MTUS2: variants seen among roughly 807,000 people sequenced by gnomAD.
MTUS2 encodes microtubule associated scaffold protein 2.
MTUS2 carries 40 observed loss-of-function variants against 114.1 expected under a neutral mutation model. The observed-to-expected ratio is 0.35, with a 90% CI of 0.27 to 0.46. The LOEUF is 0.46. Among genes scored for constraint, MTUS2 ranks in the 20% least tolerant of loss-of-function variants. The probability of loss-of-function intolerance (pLI) is 1.00; values close to 1 mark genes in which losing one functional copy is unlikely to be tolerated. For synonymous variants in MTUS2, 688 were observed against 672.0 expected, an observed-to-expected ratio of 1.02 and a Z score of -0.37; for missense variants, 1,679 against 1,705.4, an observed-to-expected ratio of 0.98 and a Z score of 0.27.
intron 13 of MTUS2, chr13:29,497,640 A>AC: frequency 2.6e-6 from 1 of 386,860 alleles, no homozygotes; most frequent in Non-Finnish European, 4.8e-6. Context: ...CGCTGGCCTG[A>AC]CCACCCCTTC....
At chr13:28,828,297 T>A (rs1422690726) in intron 1 of MTUS2, among the ~76,000 whole-genome samples, 1 of 152,254 alleles carries the variant, frequency 6.6e-6, no homozygotes, top group Non-Finnish European at 1.5e-5. Flanking sequence ...GCTGTTATCC[T>A]GTTCTTTTTT....
chr13:28,990,904 C>T (rs1473696504), intron 2 of MTUS2, among the ~76,000 whole-genome samples: 1 of 151,974 alleles, frequency 6.6e-6, no homozygotes, highest in African/African-American at 2.4e-5. Context: ...ACCACGAACC[C>T]ACTGGGAAGA....
At chr13:29,222,397 A>G (rs937649656) in intron 5 of MTUS2, among the ~76,000 whole-genome samples, 1 of 152,004 alleles carries the variant, frequency 6.6e-6, no homozygotes, top group Non-Finnish European at 1.5e-5. Flanking sequence ...CTTTGTTTTT[A>G]TGTATGAATT....
rs1383579396 is a variant in MTUS2, at chr13:28,868,559, A to G, written c.-243+28709A>G. On this transcript the variant is annotated intron_variant, in intron 2 of 15. Transcript: ENST00000612955. Reference sequence around the variant, plus strand: ...CTTACAAAGGGAGGGATGGGAATAGATGAATGCATCCTTAGATTTTTGGAT... The same window carrying G: ...CTTACAAAGGGAGGGATGGGAATAGGTGAATGCATCCTTAGATTTTTGGAT... Among the ~76,000 whole-genome samples, 4 of 152,208 alleles carry G rather than the reference A, an allele frequency of 2.6e-5. No individual in the cohort carries two copies. The East Asian group carries it at 7.7e-4, about 29-fold the overall frequency.
chr13:28,854,351 T>C (rs1876489399), intron 2 of MTUS2, among the ~76,000 whole-genome samples: 1 of 152,198 alleles, frequency 6.6e-6, no homozygotes, highest in Non-Finnish European at 1.5e-5. Context: ...TTATGTTGCT[T>C]ACAAACTTGG....
intron 4 of MTUS2, among the ~76,000 whole-genome samples, chr13:29,043,786 T>TACAAC (rs5802503): frequency 6.6e-6 from 1 of 151,686 alleles, no homozygotes; most frequent in Non-Finnish European, 1.5e-5. Context: ...TAAAGTCTGA[T>TACAAC]AGACTTTATA....
chr13:29,243,642 C>A (rs993832787), intron 5 of MTUS2, among the ~76,000 whole-genome samples: 9 of 150,258 alleles, frequency 6.0e-5, no homozygotes, highest in African/African-American at 2.3e-4. Flanking sequence ...TACTTACACA[C>A]TTGGGGTAGG....
At chr13:29,119,553 T>TA (rs1891223776) in intron 5 of MTUS2, among the ~76,000 whole-genome samples, 1 of 152,168 alleles carries the variant, frequency 6.6e-6, no homozygotes, top group Non-Finnish European at 1.5e-5. Flanking sequence ...ATATATAAAT[T>TA]ATCTGATTAT....
chr13:29,202,994 C>A (rs1442052940), intron 5 of MTUS2, among the ~76,000 whole-genome samples: 1 of 152,144 alleles, frequency 6.6e-6, no homozygotes, highest in Non-Finnish European at 1.5e-5. Flanking sequence ...GGTCAGGGAC[C>A]CCCTGAGGAA....
At chr13:29,389,469 A>ATGTATACACGTGTGTGTATGTGTATG (rs771715459) in intron 8 of MTUS2, among the ~76,000 whole-genome samples, 1 of 89,882 alleles carries the variant, frequency 1.1e-5, no homozygotes, top group African/African-American at 3.8e-5. Flanking sequence ...GTGTATGTGT[A>ATGTATACACGTGTGTGTATGTGTATG]TATGTATACA....
At chr13:28,922,928 A>G (rs1881126836) in intron 2 of MTUS2, among the ~76,000 whole-genome samples, 1 of 151,992 alleles carries the variant, frequency 6.6e-6, no homozygotes, top group African/African-American at 2.4e-5. Flanking sequence ...TTCTTAAAAT[A>G]CTCTTTTAGC....
At chr13:29,018,676 C>T (rs1488154218) in intron 2 of MTUS2, among the ~76,000 whole-genome samples, 1 of 152,016 alleles carries the variant, frequency 6.6e-6, no homozygotes, top group Admixed American at 6.5e-5. Flanking sequence ...AGGATAACTG[C>T]TTGAGCCCAG....
At chr13:29,404,343 C>A (rs1297699399) in intron 8 of MTUS2, among the ~76,000 whole-genome samples, 1 of 151,974 alleles carries the variant, frequency 6.6e-6, no homozygotes, top group East Asian at 1.9e-4. Flanking sequence ...TAGAGTGAGA[C>A]CCTGTCTCGA....
chr13:29,069,435 G>T (rs924228011), intron 4 of MTUS2, among the ~76,000 whole-genome samples: 4 of 152,184 alleles, frequency 2.6e-5, no homozygotes, highest in South Asian at 2.1e-4. Context: ...TTTTCAGATT[G>T]TCAACAAATT....
intron 8 of MTUS2, among the ~76,000 whole-genome samples, chr13:29,368,255 C>A (rs781485911): frequency 5.3e-5 from 8 of 151,838 alleles, no homozygotes; most frequent in Non-Finnish European, 1.2e-4. Flanking sequence ...CTGCTTCTAA[C>A]CCATGTATCA....
intron 8 of MTUS2, among the ~76,000 whole-genome samples, chr13:29,423,863 A>T (rs998829189): frequency 7.7e-5 from 11 of 142,712 alleles, no homozygotes; most frequent in Non-Finnish European, 1.4e-4. Context: ...GTTAACAGTA[A>T]TTTTTTTTTT....
intron 5 of MTUS2, among the ~76,000 whole-genome samples, chr13:29,200,971 A>G (rs1894930394): frequency 6.6e-6 from 1 of 152,174 alleles, no homozygotes; most frequent in Admixed American, 6.5e-5. Flanking sequence ...GGTGCAGAGA[A>G]GAATGTATAT....
chr13:29,439,567 G>T (rs556750770), intron 8 of MTUS2, among the ~76,000 whole-genome samples: 1 of 152,120 alleles, frequency 6.6e-6, no homozygotes, highest in Non-Finnish European at 1.5e-5. Flanking sequence ...AAAACAGTTG[G>T]TAAAACAAGC....
intron 2 of MTUS2, among the ~76,000 whole-genome samples, chr13:28,991,598 G>C (rs1476940934): frequency 6.6e-6 from 1 of 152,108 alleles, no homozygotes; most frequent in Non-Finnish European, 1.5e-5. Flanking sequence ...TCAGTCTCCT[G>C]ACCTCATGAT....
Sources: gnomAD v4.1 joint callset for allele counts (sites outside exome capture counted in the v4.1 genomes callset) on GRCh38, gnomAD v4.1.1 for gene constraint, MANE v1.5 for transcripts, NCBI Gene and HGNC (gene_info 2026-07-23, HGNC 2026-07-21) for gene names.